Variants in BMP1 observed in about 807,000 individuals in gnomAD.
The protein encoded by BMP1 is mammalian tolloid protein.
BMP1 carries 63 observed loss-of-function variants against 116.8 expected under a neutral mutation model. The ratio of observed to expected loss-of-function variants is 0.54; its 90% CI spans 0.44 to 0.67. The LOEUF (loss-of-function observed/expected upper bound fraction) is 0.67, where lower values mean the gene tolerates loss of function less well. Ranked by LOEUF, BMP1 falls within the 30% of genes least tolerant of loss-of-function variation. BMP1 has a pLI of 0.00. For synonymous variants in BMP1, 536 were observed against 533.4 expected, an observed-to-expected ratio of 1.00 and a Z score of -0.07; for missense variants, 1,183 against 1,358.9, an observed-to-expected ratio of 0.87 and a Z score of 2.04.
intron 1 of BMP1, chr8:22,169,665 G>A (rs1828219856): frequency 6.6e-6 from 1 of 152,380 alleles, no homozygotes; most frequent in East Asian, 1.9e-4. Flanking sequence ...CTAGAAGCTT[G>A]CGTTTGTGCA....
At chr8:22,189,273 C>T (rs1224128491) in intron 8 of BMP1, among the ~76,000 whole-genome samples, 4 of 151,988 alleles carry the variant, frequency 2.6e-5, no homozygotes, top group East Asian at 1.9e-4. Flanking sequence ...TGTATGCACA[C>T]GTATATGGTC....
intron 13 of BMP1, 76 bp downstream of exon 13, chr8:22,195,663 T>G: frequency 1.3e-6 from 2 of 1,549,738 alleles, no homozygotes; most frequent in Non-Finnish European, 1.7e-6. Context: ...TTTTTTTTTT[T>G]TAGACAGGCT....
intron 2 of BMP1, among the ~76,000 whole-genome samples, chr8:22,175,456 T>A (rs772734286): frequency 2.6e-5 from 4 of 152,220 alleles, no homozygotes; most frequent in Non-Finnish European, 4.4e-5. Flanking sequence ...TAGAATAACT[T>A]TATAGTTACT....
At chr8:22,201,529 T>C (rs1679618994) in intron 15 of BMP1, 1 of 1,410,338 alleles carries the variant, frequency 7.1e-7, no homozygotes, top group Admixed American at 3.1e-5. Context: ...ATCTGTCCAG[T>C]AAGCAGGTAA....
At chr8:22,186,524 G>A (rs1327336133) in intron 8 of BMP1, among the ~76,000 whole-genome samples, 1 of 152,152 alleles carries the variant, frequency 6.6e-6, no homozygotes. Context: ...CTGGAGTGCA[G>A]TGGCATGATC....
rs546144427 is a variant in BMP1 at position 22,186,028 on chromosome 8, G to C, written c.1077+5545G>C. On this transcript the variant is annotated intron_variant, in intron 8 of 19. Transcript: ENST00000306385. Reference sequence around the variant, plus strand: ...TTTTTGTATTTTTAGTAGAGACAGGGTGTCACCATGTTGGCCAGGCTGGTC... The same window carrying C: ...TTTTTGTATTTTTAGTAGAGACAGGCTGTCACCATGTTGGCCAGGCTGGTC... 8.6e-5 allele frequency among the ~76,000 whole-genome samples: 13 copies of C among 151,798 alleles called. 1 individual carries two copies. In the South Asian group the frequency reaches 1.7e-3, roughly 19 times the overall value.
chr8:22,201,179 G>A (rs1829252205), intron 15 of BMP1: 5 of 1,612,548 alleles, frequency 3.1e-6, no homozygotes, highest in East Asian at 2.2e-5. Context: ...TCCGAGTGCA[G>A]AAAAGAAACC....
In BMP1 at chr8:22,176,243, G is replaced by A. The variant is rs755055320; in HGVS notation, c.363G>A (p.Ala121=). 5.6e-6 allele frequency: 9 copies of A among 1,613,756 alleles called. No individual in the cohort carries two copies. Among genetic ancestry groups the A allele is most frequent in the South Asian group, 1.1e-5 (1 of 91,026 alleles). ...RWRGRSRSRR[A]ATSRPERVWP... ...GAGGTAGATCCCGTAGCCGGCGGGC[G>A]GCGACGTCCCGACCAGAGCGTGTGT... The change falls in exon 3 of 20, where the codon GCG becomes GCA. Residue 121 remains alanine (A), a synonymous_variant. Transcript: ENST00000306385.
intron 8 of BMP1, among the ~76,000 whole-genome samples, chr8:22,189,433 T>TACACATAC (rs1554483558): frequency 7.1e-5 from 10 of 141,380 alleles, no homozygotes; most frequent in Admixed American, 2.2e-4. Flanking sequence ...TTGATGGAGA[T>TACACATAC]ACACACACAC....
chr8:22,173,480 T>G (rs1828338665), intron 1 of BMP1, 122 bp from the exon 2 acceptor site: 2 of 617,928 alleles, frequency 3.2e-6, no homozygotes, highest in Non-Finnish European at 5.7e-6. Flanking sequence ...AGATGGCATT[T>G]GAGGATCACA....
At chr8:22,208,764 G>C (rs576048250) in intron 18 of BMP1, among the ~76,000 whole-genome samples, 15 of 152,316 alleles carry the variant, frequency 9.8e-5, no homozygotes, top group African/African-American at 3.6e-4. Flanking sequence ...CCACCTGTCA[G>C]GGCATCCCCA....
In BMP1 at chr8:22,192,823, G is replaced by A. The variant is rs112183536; in HGVS notation, c.1180+672G>A. Among the ~76,000 whole-genome samples the A allele has an allele frequency of 2.9e-3, 437 of 152,290 alleles. 3 individuals carry two copies. Among genetic ancestry groups the A allele is most frequent in the African/African-American group, 0.01 (419 of 41,566 alleles). Reference sequence around the variant, plus strand: ...GGTATTGCAGCAAGCCCGAGGAGCCGTGTGAATCTCCTCCTAGCTGGACGT... The same window carrying A: ...GGTATTGCAGCAAGCCCGAGGAGCCATGTGAATCTCCTCCTAGCTGGACGT... On this transcript the variant is annotated intron_variant, in intron 9 of 19. Coordinates refer to ENST00000306385, the MANE Select transcript of BMP1 (RefSeq NM_006129.5).
At chr8:22,180,565 A>G in intron 8 of BMP1, 82 bp downstream of exon 8, 1 of 1,305,358 alleles carries the variant, frequency 7.7e-7, no homozygotes, top group Non-Finnish European at 1.1e-6. Context: ...GTGGGGGTCA[A>G]TATGGGTGCC....
At chr8:22,181,729 A>G (rs1016435033) in intron 8 of BMP1, among the ~76,000 whole-genome samples, 1 of 151,494 alleles carries the variant, frequency 6.6e-6, no homozygotes, top group Non-Finnish European at 1.5e-5. Flanking sequence ...TTTTTTTTCT[A>G]TTTTTGGTCG....
chr8:22,204,493 G>T (rs1829317234), intron 16 of BMP1, among the ~76,000 whole-genome samples: 1 of 152,088 alleles, frequency 6.6e-6, no homozygotes, highest in Admixed American at 6.5e-5. Context: ...GAAGCTGATG[G>T]GGGCAGATTG....
At position 22,211,584 on chromosome 8, in the gene BMP1, T is replaced by C. The variant is rs766959449; in HGVS notation, c.2827-10T>C. On this transcript the variant is annotated splice_polypyrimidine_tract_variant and intron_variant, in intron 19 of 19. Coordinates refer to ENST00000306385, the MANE Select transcript of BMP1 (RefSeq NM_006129.5). Reference sequence around the variant, plus strand: ...TTCCTCCACCTTACCCCATCTCTTTTCTCTGCCAGCCTCCTGAGGAGGTGT... The same window carrying C: ...TTCCTCCACCTTACCCCATCTCTTTCCTCTGCCAGCCTCCTGAGGAGGTGT... 1 of 1,614,136 alleles carries C rather than the reference T, an allele frequency of 6.2e-7. No individual in the cohort carries two copies. The highest frequency in any genetic ancestry group is 1.7e-5 in the Admixed American group (1 of 60,020).
intron 15 of BMP1, chr8:22,198,411 G>T (rs1008882146): frequency 1.3e-5 from 2 of 152,348 alleles, no homozygotes; most frequent in Non-Finnish European, 2.9e-5. Context: ...GATCCTCCGG[G>T]TCCAGGAGAT....
At chr8:22,177,653 C>A in intron 5 of BMP1, 199 bp from the exon 6 acceptor site, 1 of 762,850 alleles carries the variant, frequency 1.3e-6, no homozygotes. Context: ...CTCCATTCAC[C>A]AGGCCCTCTG....
intron 16 of BMP1, among the ~76,000 whole-genome samples, chr8:22,206,330 C>T (rs1038992619): frequency 2.0e-4 from 31 of 151,942 alleles, no homozygotes; most frequent in Middle Eastern, 6.3e-3. Context: ...GGCGAAACCC[C>T]GTCTCTACTA....
Sources: gnomAD v4.1 joint callset for allele counts (sites outside exome capture counted in the v4.1 genomes callset) on GRCh38, gnomAD v4.1.1 for gene constraint, MANE v1.5 for transcripts, NCBI Gene and HGNC (gene_info 2026-07-23, HGNC 2026-07-21) for gene names.